Variants in TMC6 observed in about 807,000 individuals in gnomAD.
TMC6 encodes the protein transmembrane channel-like protein 6.
A neutral mutation model predicts 95.4 loss-of-function variants in TMC6; 71 were observed. The observed-to-expected ratio is 0.74, with a 90% CI of 0.61 to 0.91. The LOEUF is 0.91. TMC6 is among the 40% of genes least tolerant of loss of function. The pLI, the probability that TMC6 is intolerant of heterozygous loss-of-function variation, is 0.00. For synonymous variants in TMC6, 514 were observed against 483.1 expected, an observed-to-expected ratio of 1.06 and a Z score of -0.84; for missense variants, 1,074 against 1,079.1, an observed-to-expected ratio of 1.00 and a Z score of 0.07.
At position 78,121,178 on chromosome 17, in the gene TMC6, G is replaced by A. The variant is rs1333171815; in HGVS notation, c.1384-14C>T. On this transcript the variant is annotated splice_polypyrimidine_tract_variant and intron_variant, in intron 11 of 19. Transcript: ENST00000590602. This position sits in a 1 kb window ranked among gnomAD's most constrained non-coding sequence, Gnocchi z 5.6. ...AGCCTCTGGACTCTGCAGGGGTGCA[G>A]GGAGCGGTGTCATGGAAGCCCCCCA... 13 of 1,574,030 alleles carry A rather than the reference G, an allele frequency of 8.3e-6. No individual in the cohort carries two copies. The highest frequency in any genetic ancestry group is 3.4e-5 in the South Asian group (3 of 87,188).
In TMC6 at chr17:78,124,377, G is replaced by A. The variant is rs568353865; in HGVS notation, c.891+147C>T. On this transcript the variant is annotated intron_variant, in intron 8 of 19. Transcript: ENST00000590602. ...ACGATGAGCATCCAGGGTCATTGAG[G>A]GGGAGGCGGGGAGCTGGCTGTGGCC... 283 of 1,395,470 alleles carry A rather than the reference G, an allele frequency of 2.0e-4. 2 individuals are homozygous for A. In the African/African-American group the frequency reaches 3.5e-3, roughly 17 times the overall value. 86.4% of individuals were successfully genotyped at this position (1,395,470 alleles called of 1,614,324 possible).
chr17:78,119,194 G>C (rs548043261), intron 14 of TMC6, 103 bp downstream of exon 14: 2 of 1,532,012 alleles, frequency 1.3e-6, no homozygotes, highest in Non-Finnish European at 1.8e-6. Context: ...GTCCATGGCC[G>C]GGCCTGGCTG....
At chr17:78,115,112 G>A (rs764689861) in intron 18 of TMC6, among the ~76,000 whole-genome samples, 12 of 152,258 alleles carry the variant, frequency 7.9e-5, no homozygotes, top group Non-Finnish European at 4.4e-5. Context: ...GGGAAAGGCA[G>A]GAGATGGGAC....
intron 15 of TMC6, chr17:78,118,299 G>A (rs1031518192): frequency 1.1e-5 from 4 of 355,366 alleles, no homozygotes; most frequent in South Asian, 2.5e-5. Context: ...GCTCATGCCT[G>A]TAATCCCAGC....
At chr17:78,114,837 C>T (rs746351557) in intron 18 of TMC6, among the ~76,000 whole-genome samples, 82 of 152,334 alleles carry the variant, frequency 5.4e-4, no homozygotes, top group South Asian at 1.2e-3. Context: ...GCCCCAAAGA[C>T]GGGTCAGAGC....
chr17:78,124,715 G>A lies in TMC6; in HGVS notation c.700C>T (p.Leu234=). Residue 234 remains leucine, a synonymous_variant, in exon 8 of 20, where the codon CTG becomes TTG. Coordinates refer to ENST00000590602, the MANE Select transcript of TMC6 (RefSeq NM_001127198.5). Reference sequence around the variant, plus strand: ...CCGAACTGGCCCCCGATGCGCTTCAGGGCGTAGCGCCACGGCATCAGGGCC... The same window carrying A: ...CCGAACTGGCCCCCGATGCGCTTCAAGGCGTAGCGCCACGGCATCAGGGCC... ...LQALMPWRYA[L]KRIGGQFGSS... The A allele has an allele frequency of 6.3e-7, 1 of 1,594,648 alleles. No individual in the cohort carries two copies. The highest frequency in any genetic ancestry group is 2.3e-5 in the East Asian group (1 of 43,896).
rs1341577798 is a variant in TMC6 at position 78,124,626 on chromosome 17, C to G, written c.789G>C (p.Leu263=). 1 of 1,612,284 alleles carries G rather than the reference C, an allele frequency of 6.2e-7. No homozygotes were observed. Among genetic ancestry groups the G allele is most frequent in the African/African-American group, 1.3e-5 (1 of 74,920 alleles). The change falls in exon 8 of 20, where the codon CTG becomes CTC. Residue 263 remains leucine (L), a synonymous_variant. Coordinates refer to ENST00000590602, the MANE Select transcript of TMC6 (RefSeq NM_001127198.5). ...KTLLAFNALL[L]LLLVAFIMGP... is the part of the protein sequence containing the mutation. ...CCATGATGAAGGCCACCAGCAGCAG[C>G]AGCAGGAGGGCATTGAAAGCCAGCA...
intron 9 of TMC6, among the ~76,000 whole-genome samples, chr17:78,123,612 A>AATGGGTGG (rs202143281): frequency 0.31 from 32,742 of 106,694 alleles, 6,247 homozygotes; most frequent in Non-Finnish European, 0.42. Context: ...TGAATGGATG[A>AATGGGTGG]ATGGGTGGAT....
intron 18 of TMC6, chr17:78,114,059 C>T (rs1003435143): frequency 2.7e-5 from 8 of 301,286 alleles, no homozygotes; most frequent in Admixed American, 4.8e-5. Flanking sequence ...AAAACACCAC[C>T]GGTTTCTCAA....
chr17:78,123,516 G>A (rs532638362), intron 9 of TMC6, among the ~76,000 whole-genome samples: 256 of 150,086 alleles, frequency 1.7e-3, no homozygotes, highest in South Asian at 0.011. Context: ...AAACTGAGTG[G>A]ATGGATGGGT....
Position 78,119,332 on chromosome 17 carries a change from A to G in TMC6, c.1776T>C (p.Asn592=), listed in dbSNP as rs199967816. The change falls in exon 14 of 20, where the codon AAT becomes AAC. Residue 592 remains asparagine (N), a synonymous_variant. Coordinates refer to ENST00000590602, the MANE Select transcript of TMC6 (RefSeq NM_001127198.5). ...TCTGCCCATAAATCAGCTCCAGGAC[A>G]TTCCGGGCAATGTCAAACTCCGGCT... ...RRKPEFDIAR[N]VLELIYGQTL... 2 of 1,614,060 alleles carry G rather than the reference A, an allele frequency of 1.2e-6. No homozygotes were observed. The highest frequency in any genetic ancestry group is 1.7e-6 in the Non-Finnish European group (2 of 1,180,024).
rs200760468 is a variant in TMC6, at chr17:78,121,647, G to A, written c.1292C>T (p.Ala431Val). ...CAGCCACACAAGCCCCAGCACAGCC[G>A]CCTGCCGCAGCCTCCCGCACACGCT... Reference protein sequence around the residue: ...PRSVCGRLRQAAVLGLVWLLC... With the variant: ...PRSVCGRLRQVAVLGLVWLLC... The change falls in exon 11 of 20, where the codon GCG (alanine) becomes GTG (valine). Residue 431 changes from alanine (A) to valine (V), a missense_variant. By Grantham distance (64) the Ala-to-Val change is moderately conservative. Transcript: ENST00000590602. The surrounding 1 kb of genome is among the most constrained non-coding windows in gnomAD (Gnocchi z 5.6). 7.8e-5 allele frequency: 125 copies of A among 1,599,728 alleles called. No homozygotes were observed. The highest frequency in any genetic ancestry group is 1.0e-4 in the Non-Finnish European group (119 of 1,175,726).
upstream of TMC6, among the ~76,000 whole-genome samples, chr17:78,129,517 C>G (rs1018194202): frequency 2.6e-5 from 4 of 152,176 alleles, no homozygotes; most frequent in Admixed American, 2.0e-4. The surrounding 1 kb of genome is among the most constrained non-coding windows in gnomAD (Gnocchi z 4.3). Context: ...CCCCCCACCC[C>G]AAGCCCATTT....
Position 78,122,913 on chromosome 17 carries a change from C to G in TMC6, c.1083-164G>C. ...CCACACCCCTGCCCCACCACCAGCC[C>G]TCTACACCAGTCTCATCCAACATAG... On this transcript the variant is annotated intron_variant, in intron 9 of 19. Coordinates refer to ENST00000590602, the MANE Select transcript of TMC6 (RefSeq NM_001127198.5). This position sits in a 1 kb window ranked among gnomAD's most constrained non-coding sequence, Gnocchi z 4.9. 1.1e-6 allele frequency: 1 copy of G among 897,298 alleles called. No individual in the cohort carries two copies. The highest frequency in any genetic ancestry group is 1.5e-5 in the South Asian group (1 of 66,178). The allele number at this position is 897,298 out of a possible 1,614,324, so 55.6% of individuals were successfully genotyped here.
At chr17:78,119,118 C>T in intron 14 of TMC6, 72 bp from the exon 15 acceptor site, 1 of 1,525,782 alleles carries the variant, frequency 6.6e-7, no homozygotes, top group Non-Finnish European at 8.9e-7. Context: ...GGTTCCAGAC[C>T]ACGGGCAGGG....
intron 9 of TMC6, among the ~76,000 whole-genome samples, chr17:78,123,638 TGAACTGATTGGGTGAATGGGTGGG>T (rs2145305936): frequency 8.0e-6 from 1 of 125,670 alleles, no homozygotes; most frequent in African/African-American, 3.3e-5. Context: ...GATGGGTGGG[TGAACTGATTGGGTGAATGGGTGGG>T]TAGATGGATG....
At chr17:78,120,147 C>T (rs537274352) in intron 13 of TMC6, 165 of 304,292 alleles carry the variant, frequency 5.4e-4, no homozygotes, top group Admixed American at 2.5e-4. Flanking sequence ...GTCATATACA[C>T]GTTACTTTTT....
Position 78,108,946 on chromosome 17 carries a change from G to A in TMC6, c.*4202C>T, listed in dbSNP as rs1276581436. The A allele has an allele frequency of 6.3e-6, 1 of 159,788 alleles. No individual in the cohort carries two copies. The highest frequency in any genetic ancestry group is 5.9e-5 in the Admixed American group (1 of 17,038). 9.9% of individuals were successfully genotyped at this position (159,788 alleles called of 1,614,324 possible). ...ACCTTGACCTCAAGGTTAAGCTCCAGCGATCTTCCGACCTCAGCCTCCCAA... is the reference window on the plus strand; with the variant it reads ...ACCTTGACCTCAAGGTTAAGCTCCAACGATCTTCCGACCTCAGCCTCCCAA... On this transcript the variant is annotated 3_prime_UTR_variant, in exon 20 of 20. Coordinates refer to ENST00000590602, the MANE Select transcript of TMC6 (RefSeq NM_001127198.5).
chr17:78,122,864 TCTG>T lies in TMC6; in HGVS notation c.1083-118_1083-116del. On this transcript the variant is annotated intron_variant, in intron 9 of 19. Coordinates refer to ENST00000590602, the MANE Select transcript of TMC6 (RefSeq NM_001127198.5). This position sits in a 1 kb window ranked among gnomAD's most constrained non-coding sequence, Gnocchi z 4.9. ...GACCCCACCACCCACTCAGGAGCCA[TCTG>T]GGCCCTGACTGGGCCTCCTGCCACA... is the stretch of plus-strand genomic sequence containing the variant. 1 of 1,473,750 alleles carries T rather than the reference TCTG, an allele frequency of 6.8e-7. No homozygotes were observed. The highest frequency in any genetic ancestry group is 9.2e-7 in the Non-Finnish European group (1 of 1,091,310). The allele number at this position is 1,473,750 out of a possible 1,614,324, so 91.3% of individuals were successfully genotyped here. A position where few individuals can be genotyped will look rare whatever the true frequency, so the allele number is the denominator to read the frequency against.
Sources: allele counts gnomAD v4.1 joint callset (sites outside exome capture counted in the v4.1 genomes callset), GRCh38; gene constraint gnomAD v4.1.1; non-coding constraint Gnocchi (gnomAD v3.1); transcripts MANE v1.5; gene names NCBI Gene and HGNC (gene_info 2026-07-23, HGNC 2026-07-21).